RBPJ: variants seen among roughly 807,000 people sequenced by gnomAD.
RBPJ encodes the protein recombining binding protein suppressor of hairless.
RBPJ carries 9 observed loss-of-function variants against 67.8 expected under a neutral mutation model. That is an observed-to-expected ratio of 0.13 (90% CI 0.08 to 0.23). The LOEUF is 0.23. RBPJ is among the 10% of genes least tolerant of loss of function. The pLI is 1.00. For missense variants in RBPJ, 305 were observed against 595.6 expected (o/e 0.51, Z 5.08); for synonymous variants, 198 against 203.3 (o/e 0.97, Z 0.22).
At chr4:26,159,995 T>C (rs1308452305), upstream of RBPJ, among the ~76,000 whole-genome samples, 1 of 151,952 alleles carries the variant, frequency 6.6e-6, no homozygotes, top group East Asian at 1.9e-4. Context: ...CTTGGCTGAC[T>C]GCAAACTCCG....
At chr4:26,282,512 C>T (rs1721308501) in intron 1 of RBPJ, among the ~76,000 whole-genome samples, 1 of 148,962 alleles carries the variant, frequency 6.7e-6, no homozygotes, top group Admixed American at 6.7e-5. Context: ...TCATGTATTT[C>T]TTTTTTTTTT....
intron 1 of RBPJ, among the ~76,000 whole-genome samples, chr4:26,344,597 A>G (rs1182792164): frequency 6.6e-6 from 1 of 152,220 alleles, no homozygotes; most frequent in East Asian, 1.9e-4. Context: ...TGACCTACAA[A>G]TAATAAGGGA....
At chr4:26,258,546 A>G (rs1204788108) in intron 1 of RBPJ, among the ~76,000 whole-genome samples, 1 of 152,226 alleles carries the variant, frequency 6.6e-6, no homozygotes, top group African/African-American at 2.4e-5. Flanking sequence ...TGTGGCCATG[A>G]TGGTAGGATC....
At chr4:26,143,161 A>T in the RBPJ span, among the ~76,000 whole-genome samples, 2 of 152,216 alleles carry the variant, frequency 1.3e-5, no homozygotes, top group Non-Finnish European at 2.9e-5. Flanking sequence ...GCATAGATGC[A>T]TGTTAATCCA....
the RBPJ span, among the ~76,000 whole-genome samples, chr4:26,144,415 A>C: frequency 6.6e-6 from 1 of 151,784 alleles, no homozygotes; most frequent in African/African-American, 2.4e-5. Context: ...GATTACAGGC[A>C]TGCACCACCA....
At chr4:26,176,684 A>G (rs1337543638) in intron 1 of RBPJ, among the ~76,000 whole-genome samples, 2 of 152,232 alleles carry the variant, frequency 1.3e-5, no homozygotes, top group Non-Finnish European at 2.9e-5. Flanking sequence ...GCAGTGGTAG[A>G]TGAGATCATG....
chr4:26,313,215 G>A (rs1319119297), intron 1 of RBPJ, among the ~76,000 whole-genome samples: 1 of 152,166 alleles, frequency 6.6e-6, no homozygotes, highest in Non-Finnish European at 1.5e-5. Flanking sequence ...GAGCCACCAA[G>A]CCGGAACCAT....
At chr4:26,141,654 A>C in the RBPJ span, among the ~76,000 whole-genome samples, 1 of 152,200 alleles carries the variant, frequency 6.6e-6, no homozygotes, top group African/African-American at 2.4e-5. Context: ...TGTTGGCAAC[A>C]TTCAAGTCTT....
At chr4:26,282,027 C>A (rs1213278355) in intron 1 of RBPJ, among the ~76,000 whole-genome samples, 1 of 151,812 alleles carries the variant, frequency 6.6e-6, no homozygotes, top group South Asian at 2.1e-4. Flanking sequence ...TTCATGCAAA[C>A]TTTATGTGTA....
chr4:26,107,913 G>T, the RBPJ span, among the ~76,000 whole-genome samples: 5 of 152,160 alleles, frequency 3.3e-5, no homozygotes, highest in East Asian at 3.9e-4. Flanking sequence ...AGAAAAAGAA[G>T]ATTCCCTTTG....
At chr4:26,207,201 A>G (rs893582394) in intron 1 of RBPJ, among the ~76,000 whole-genome samples, 2 of 152,182 alleles carry the variant, frequency 1.3e-5, no homozygotes, top group Non-Finnish European at 2.9e-5. Context: ...TTTGTAAACC[A>G]GTTCCTCATG....
chr4:26,201,611 G>T (rs1282820332), intron 1 of RBPJ, among the ~76,000 whole-genome samples: 1 of 152,092 alleles, frequency 6.6e-6, no homozygotes, highest in East Asian at 1.9e-4. Context: ...CACATGACCT[G>T]CAATTCACAA....
intron 1 of RBPJ, among the ~76,000 whole-genome samples, chr4:26,306,535 C>T (rs921653161): frequency 2.0e-5 from 3 of 151,870 alleles, no homozygotes; most frequent in Admixed American, 6.6e-5. Context: ...CTGCAACCTC[C>T]ACCTCCCAGG....
chr4:26,108,626 G>T, the RBPJ span, among the ~76,000 whole-genome samples: 1 of 152,234 alleles, frequency 6.6e-6, no homozygotes, highest in Non-Finnish European at 1.5e-5. Flanking sequence ...GGGTTTATGG[G>T]AGTATTAAAT....
At chr4:26,245,285 T>C (rs1719891940) in intron 1 of RBPJ, among the ~76,000 whole-genome samples, 1 of 145,700 alleles carries the variant, frequency 6.9e-6, no homozygotes, top group African/African-American at 2.6e-5. Flanking sequence ...CTCAGCTCAC[T>C]GCAACCTCCA....
At chr4:26,172,261 C>T (rs1281391767) in intron 1 of RBPJ, among the ~76,000 whole-genome samples, 1 of 152,122 alleles carries the variant, frequency 6.6e-6, no homozygotes, top group African/African-American at 2.4e-5. Flanking sequence ...TGGCCCCCAC[C>T]ACCCTGCAGC....
chr4:26,430,302 A>C lies in RBPJ; in HGVS notation c.1045-117A>C. 1 of 935,422 alleles carries C rather than the reference A, an allele frequency of 1.1e-6. No individual in the cohort carries two copies. The highest frequency in any genetic ancestry group is 1.7e-6 in the Non-Finnish European group (1 of 601,924). 57.9% of individuals were successfully genotyped at this position (935,422 alleles called of 1,614,324 possible). On this transcript the variant is annotated intron_variant, in intron 9 of 10. Transcript: ENST00000355476. The surrounding 1 kb of genome is among the most constrained non-coding windows in gnomAD (Gnocchi z 4.1). ...TTTTTAGCTAGCTTTGTAATAAAAA[A>C]CATTTTAATTGCCCTTTTTTAAAAA...
intron 1 of RBPJ, among the ~76,000 whole-genome samples, chr4:26,377,122 A>G (rs1447503989): frequency 6.6e-6 from 1 of 152,266 alleles, no homozygotes; most frequent in Non-Finnish European, 1.5e-5. Flanking sequence ...GGTATCATTC[A>G]GTAATCCAGC....
chr4:26,311,097 T>C (rs1246438896), intron 1 of RBPJ, among the ~76,000 whole-genome samples: 1 of 152,244 alleles, frequency 6.6e-6, no homozygotes, highest in Non-Finnish European at 1.5e-5. Context: ...GTTATAGCAC[T>C]GTTCTATGTA....
Sources: allele counts gnomAD v4.1 joint callset (sites outside exome capture counted in the v4.1 genomes callset), GRCh38; gene constraint gnomAD v4.1.1; non-coding constraint Gnocchi (gnomAD v3.1); transcripts MANE v1.5; gene names NCBI Gene and HGNC (gene_info 2026-07-23, HGNC 2026-07-21).